The following MRM3 variants were observed in gnomAD, a reference collection of about 807,000 sequenced individuals.
MRM3 encodes the protein rRNA methyltransferase 3, mitochondrial.
A neutral mutation model predicts 29.4 loss-of-function variants in MRM3; 26 were observed. The observed-to-expected ratio is 0.89, with a 90% CI of 0.65 to 1.23. The LOEUF (loss-of-function observed/expected upper bound fraction) is 1.23, where lower values mean the gene tolerates loss of function less well. MRM3 is among the 50% of genes most tolerant of loss of function. The pLI is 0.00. For missense variants in MRM3, 578 were observed against 540.2 expected, an observed-to-expected ratio of 1.07 and a Z score of -0.69; for synonymous variants, 225 against 219.0, an observed-to-expected ratio of 1.03 and a Z score of -0.24.
intron 3 of MRM3, chr17:789,794 C>T (rs1015563485): frequency 3.9e-5 from 6 of 152,222 alleles, no homozygotes; most frequent in African/African-American, 1.4e-4. Flanking sequence ...TTGTGGTTTT[C>T]ACATTGATAC....
At chr17:791,414 A>C in intron 3 of MRM3, 120 bp from the exon 4 acceptor site, 1 of 1,035,760 alleles carries the variant, frequency 9.7e-7, no homozygotes, top group East Asian at 2.6e-5. Flanking sequence ...CCCATCCCTC[A>C]AGAAAGCTAT....
Position 784,762 on chromosome 17 carries a change from C to T in MRM3, c.559+1435C>T, listed in dbSNP as rs192198665. ...AATCCAGCGACATAAGTAGGGCCTC[C>T]GTATAGTGGGTTCTCATCACCACAG... On this transcript the variant is annotated intron_variant, in intron 2 of 3. Transcript: ENST00000304478. Among the ~76,000 whole-genome samples the T allele has an allele frequency of 6.6e-5, 10 of 152,278 alleles. No individual in the cohort carries two copies. The East Asian group carries it at 1.4e-3, about 21-fold the overall frequency.
chr17:788,800 G>A (rs113753684), intron 3 of MRM3, among the ~76,000 whole-genome samples: 1 of 152,006 alleles, frequency 6.6e-6, no homozygotes, highest in South Asian at 2.1e-4. Context: ...CACGGCTTTG[G>A]ATGGGTCTGC....
At chr17:785,367 A>G (rs1011421431) in intron 2 of MRM3, among the ~76,000 whole-genome samples, 4 of 151,960 alleles carry the variant, frequency 2.6e-5, no homozygotes, top group Admixed American at 2.6e-4. Context: ...TTTCCATAAA[A>G]CTTTAGAGAT....
chr17:791,821 G>A lies in MRM3; in HGVS notation c.1015G>A (p.Val339Ile), dbSNP rs75658007. Residue 339 changes from valine (V) to isoleucine (I), a missense_variant, in exon 4 of 4, where the codon GTT (valine) becomes ATT (isoleucine). Transcript: ENST00000304478. ...ASQDWLPHVE[V>I]QSYDSDWTEA... ...TCAAGATTGGCTGCCTCATGTTGAG[G>A]TTCAGAGTTACGACTCGGACTGGAC... is the stretch of plus-strand genomic sequence containing the variant. The A allele has an allele frequency of 0.017, 28,212 of 1,614,182 alleles. 353 individuals carry two copies. Among genetic ancestry groups the A allele is most frequent in the East Asian group, 0.07 (3,125 of 44,876 alleles).
In MRM3 at chr17:792,037, G is replaced by C. The variant is rs1338171195; in HGVS notation, c.1231G>C (p.Glu411Gln). The change falls in exon 4 of 4, where the codon GAG becomes CAG. Residue 411 changes from glutamate to glutamine, a missense_variant. Coordinates refer to ENST00000304478, the MANE Select transcript of MRM3 (RefSeq NM_018146.4). ...EGKRQLRGRAEDLSRDRSYH is the reference protein window; with the variant it reads ...EGKRQLRGRAQDLSRDRSYH The stretch of plus-strand genomic sequence containing the variant: ...GAAAAGACAGCTGCGGGGGAGGGCG[G>C]AGGACTTGAGCAGGGACAGGAGTTA... 3.7e-6 allele frequency: 6 copies of C among 1,611,360 alleles called. No homozygotes were observed. Among genetic ancestry groups the C allele is most frequent in the Non-Finnish European group, 5.1e-6 (6 of 1,178,846 alleles).
At chr17:789,500 A>G (rs991960810) in intron 3 of MRM3, among the ~76,000 whole-genome samples, 2 of 152,208 alleles carry the variant, frequency 1.3e-5, no homozygotes, top group African/African-American at 4.8e-5. Context: ...GAGCACGCCT[A>G]AAATGTCTCT....
At chr17:786,399 G>A (rs1182395829) in intron 2 of MRM3, among the ~76,000 whole-genome samples, 5 of 152,074 alleles carry the variant, frequency 3.3e-5, no homozygotes, top group African/African-American at 4.8e-5. Flanking sequence ...TCAGCCTCCC[G>A]AGTAGCTGGG....
At chr17:788,377 A>G (rs529457978) in intron 3 of MRM3, among the ~76,000 whole-genome samples, 22 of 151,810 alleles carry the variant, frequency 1.4e-4, no homozygotes, top group African/African-American at 5.1e-4. Flanking sequence ...AGCTCATCAC[A>G]TGTCAAGTGA....
Position 783,209 on chromosome 17 carries a change from C to T in MRM3, c.441C>T (p.Ser147=). ...CTGTGCCAAAAATGTTCTTCTTTAG[C>T]CGTCTAGAATACCTAAAGGAGTTGC... ...AGAVPKMFFF[S]RLEYLKELPV... The change falls in exon 2 of 4, where the codon AGC becomes AGT. Residue 147 remains serine (S), a synonymous_variant. Coordinates refer to ENST00000304478, the MANE Select transcript of MRM3 (RefSeq NM_018146.4). 4 of 1,614,148 alleles carry T rather than the reference C, an allele frequency of 2.5e-6. No individual in the cohort carries two copies. Among genetic ancestry groups the T allele is most frequent in the Non-Finnish European group, 3.4e-6 (4 of 1,180,020 alleles).
intron 3 of MRM3, chr17:788,347 G>A: frequency 1.9e-6 from 1 of 527,690 alleles, no homozygotes; most frequent in Admixed American, 3.3e-5. Flanking sequence ...TGGGAGGATT[G>A]CTTGAGCCTG....
At chr17:790,339 T>A (rs1476880803) in intron 3 of MRM3, 1 of 153,204 alleles carries the variant, frequency 6.5e-6, no homozygotes, top group East Asian at 1.9e-4. Context: ...TGAAGCCCAA[T>A]GGGTCTTGAT....
rs192920426 is a variant in MRM3 at position 791,939 on chromosome 17, T to A, written c.1133T>A (p.Leu378Gln). 3.7e-6 allele frequency: 6 copies of A among 1,614,048 alleles called. No homozygotes were observed. The East Asian group carries it at 1.3e-4, about 36-fold the overall frequency. Residue 378 changes from leucine to glutamine, a missense_variant, in exon 4 of 4, where the codon CTG (leucine) becomes CAG (glutamine). Leu to Gln is a moderately radical substitution (Grantham distance 113). Coordinates refer to ENST00000304478, the MANE Select transcript of MRM3 (RefSeq NM_018146.4). ...QLAESTGGKR[L>Q]LIPVVPGVDS... is the part of the protein sequence containing the mutation. The stretch of plus-strand genomic sequence containing the variant: ...GCCGAGAGCACTGGTGGCAAGAGGC[T>A]GCTGATCCCCGTTGTGCCTGGTGTG...
rs1268042349 is a variant in MRM3, at chr17:791,428, A to G, written c.728-106A>G. On this transcript the variant is annotated intron_variant, in intron 3 of 3. Transcript: ENST00000304478. ...TCCCATCCCTCAAGAAAGCTATCAT[A>G]GAAGAACTGGTTTATCTCCTGATCC... The G allele has an allele frequency of 6.0e-6, 7 of 1,171,042 alleles. No individual in the cohort carries two copies. The African/African-American group carries it at 9.3e-5, about 16-fold the overall frequency. The allele number at this position is 1,171,042 out of a possible 1,614,324, so 72.5% of individuals were successfully genotyped here.
Position 783,279 on chromosome 17 carries a change from G to T in MRM3, c.511G>T (p.Glu171Ter), listed in dbSNP as rs202002005. ...KGVSLIKVKF[E>*]DIKDWSDLVT... ...TGTCAGCCTCATTAAGGTGAAATTTGAGGATATCAAGGATTGGTCCGACCT... is the reference window on the plus strand; with the variant it reads ...TGTCAGCCTCATTAAGGTGAAATTTTAGGATATCAAGGATTGGTCCGACCT... Residue 171 changes from glutamate (E) to a stop codon, truncating the protein, a stop_gained, in exon 2 of 4, where the codon GAG becomes TAG. Coordinates refer to ENST00000304478, the MANE Select transcript of MRM3 (RefSeq NM_018146.4). LOFTEE classifies it high-confidence loss of function. The T allele has an allele frequency of 1.9e-5, 31 of 1,613,766 alleles. No individual in the cohort carries two copies. The highest frequency in any genetic ancestry group is 1.7e-6 in the Non-Finnish European group (2 of 1,179,940).
intron 3 of MRM3, among the ~76,000 whole-genome samples, chr17:789,377 C>G (rs931679980): frequency 6.6e-6 from 1 of 152,174 alleles, no homozygotes; most frequent in Non-Finnish European, 1.5e-5. Flanking sequence ...TTCCCTTAGC[C>G]TCAGCGTGGG....
Position 787,930 on chromosome 17 carries a change from A to G in MRM3, c.560-35A>G. 1 of 1,606,982 alleles carries G rather than the reference A, an allele frequency of 6.2e-7. No individual in the cohort carries two copies. The highest frequency in any genetic ancestry group is 8.5e-7 in the Non-Finnish European group (1 of 1,174,948). ...AAGTCAGACTATTCCCCGTGCCCAC[A>G]CCAGGCAAGTAAACCACCTGTTTTG... On this transcript the variant is annotated intron_variant, in intron 2 of 3. Transcript: ENST00000304478. The surrounding 1 kb of genome is among the most constrained non-coding windows in gnomAD (Gnocchi z 4.1).
intron 2 of MRM3, among the ~76,000 whole-genome samples, chr17:786,194 G>A (rs1444178464): frequency 6.6e-6 from 1 of 152,208 alleles, no homozygotes; most frequent in Non-Finnish European, 1.5e-5. Context: ...TCCACCTCCT[G>A]GGTTCAAGCA....
At position 782,358 on chromosome 17, in the gene MRM3, G is replaced by GCA; in HGVS notation, c.-20_-19dup. On this transcript the variant is annotated 5_prime_UTR_variant, in exon 1 of 4. Coordinates refer to ENST00000304478, the MANE Select transcript of MRM3 (RefSeq NM_018146.4). Reference sequence around the variant, plus strand: ...GCCGCCGACGGCGCGCTTTCGTGACGCAGCCCGGGTCTCAGGGAACATGGC... The same window carrying GCA: ...GCCGCCGACGGCGCGCTTTCGTGACGCACAGCCCGGGTCTCAGGGAACATGGC... The GCA allele has an allele frequency of 6.2e-7, 1 of 1,613,058 alleles. No homozygotes were observed. The highest frequency in any genetic ancestry group is 8.5e-7 in the Non-Finnish European group (1 of 1,179,592).
Sources: allele counts gnomAD v4.1 joint callset (sites outside exome capture counted in the v4.1 genomes callset), GRCh38; gene constraint gnomAD v4.1.1; non-coding constraint Gnocchi (gnomAD v3.1); transcripts MANE v1.5; gene names NCBI Gene and HGNC (gene_info 2026-07-23, HGNC 2026-07-21).